LINGO2: variants seen among roughly 807,000 people sequenced by gnomAD.
The protein encoded by LINGO2 is leucine rich repeat and Ig domain containing 2.
LINGO2 carries 14 observed loss-of-function variants against 30.6 expected under a neutral mutation model. The observed-to-expected ratio is 0.46, with a 90% CI of 0.30 to 0.72. The LOEUF is 0.72. Ranked by LOEUF, LINGO2 falls within the 30% of genes least tolerant of loss-of-function variation. LINGO2 has a pLI of 0.07. For synonymous variants in LINGO2, 317 were observed against 288.5 expected, an observed-to-expected ratio of 1.10 and a Z score of -1.00; for missense variants, 729 against 751.7, an observed-to-expected ratio of 0.97 and a Z score of 0.35.
the LINGO2 span, among the ~76,000 whole-genome samples, chr9:29,121,543 G>A: frequency 4.6e-5 from 7 of 151,642 alleles, no homozygotes; most frequent in African/African-American, 1.7e-4. Flanking sequence ...TAAATTAGAA[G>A]ATAAAAACAG....
intron 4 of LINGO2, among the ~76,000 whole-genome samples, chr9:28,201,523 A>G (rs376898892): frequency 4.0e-5 from 6 of 150,354 alleles, no homozygotes; most frequent in African/African-American, 9.8e-5. Flanking sequence ...ATTGTGAATA[A>G]TGCTGCAATA....
At chr9:28,539,366 C>T (rs951781161) in intron 1 of LINGO2, among the ~76,000 whole-genome samples, 1 of 151,958 alleles carries the variant, frequency 6.6e-6, no homozygotes, top group Non-Finnish European at 1.5e-5. Flanking sequence ...TTAATAAGTA[C>T]TAAAAGAAAA....
the LINGO2 span, among the ~76,000 whole-genome samples, chr9:28,978,587 A>C: frequency 6.6e-6 from 1 of 152,256 alleles, no homozygotes; most frequent in South Asian, 2.1e-4. Flanking sequence ...GACACATATT[A>C]AGTCCTCAAT....
chr9:29,028,269 T>C, the LINGO2 span, among the ~76,000 whole-genome samples: 1 of 152,124 alleles, frequency 6.6e-6, no homozygotes, highest in Non-Finnish European at 1.5e-5. Context: ...ATTAGAGGAT[T>C]CTCATATAAA....
chr9:28,530,521 C>T (rs897048233), intron 1 of LINGO2, among the ~76,000 whole-genome samples: 1 of 152,088 alleles, frequency 6.6e-6, no homozygotes, highest in Admixed American at 6.6e-5. Context: ...ACAGGTTGAC[C>T]TAATTAACAG....
chr9:28,098,508 T>C (rs1349236450), intron 4 of LINGO2, among the ~76,000 whole-genome samples: 2 of 152,178 alleles, frequency 1.3e-5, no homozygotes, highest in African/African-American at 2.4e-5. Flanking sequence ...CATCAGATTA[T>C]ATACTTCTTA....
intron 4 of LINGO2, among the ~76,000 whole-genome samples, chr9:28,143,347 C>A (rs778507664): frequency 6.6e-5 from 10 of 152,092 alleles, no homozygotes; most frequent in Non-Finnish European, 1.3e-4. Flanking sequence ...GATTCCAATT[C>A]TAAGAGTCAT....
At position 28,045,764 on chromosome 9, in the gene LINGO2, G is replaced by A. The variant is rs115657963; in HGVS notation, c.-86-33359C>T. ...CACTATGGAAGATAAAGGTGGATGA[G>A]ACATGGCCCCAAAGCCAAATGAACT... On this transcript the variant is annotated intron_variant, in intron 4 of 5. Transcript: ENST00000379992. 2.4e-3 allele frequency among the ~76,000 whole-genome samples: 371 copies of A among 152,256 alleles called. 3 individuals carry two copies. Among genetic ancestry groups the A allele is most frequent in the African/African-American group, 8.6e-3 (358 of 41,550 alleles).
chr9:28,023,976 G>T (rs573961273), intron 4 of LINGO2, among the ~76,000 whole-genome samples: 1 of 152,062 alleles, frequency 6.6e-6, no homozygotes, highest in Non-Finnish European at 1.5e-5. Context: ...TCATTTTTGC[G>T]TCTCTGGATT....
At chr9:29,139,307 A>G in the LINGO2 span, among the ~76,000 whole-genome samples, 37,091 of 152,026 alleles carry the variant, frequency 0.24, 4,709 homozygotes, top group East Asian at 0.44. Context: ...TGACCCAGAT[A>G]TGGCATGCCC....
intron 1 of LINGO2, among the ~76,000 whole-genome samples, chr9:28,560,751 C>CCACCTCCCCAGCTCT (rs1823004167): frequency 6.6e-6 from 1 of 151,876 alleles, no homozygotes; most frequent in Admixed American, 6.6e-5. Context: ...ACTGCATCTT[C>CCACCTCCCCAGCTCT]CACCTCCCCA....
At chr9:28,247,094 CA>C (rs1564072613) in intron 4 of LINGO2, among the ~76,000 whole-genome samples, 1 of 152,008 alleles carries the variant, frequency 6.6e-6, no homozygotes, top group African/African-American at 2.4e-5. Context: ...TAAAAAATCA[CA>C]ACAATTAATG....
At chr9:28,020,458 G>A (rs1823056175) in intron 4 of LINGO2, among the ~76,000 whole-genome samples, 1 of 152,106 alleles carries the variant, frequency 6.6e-6, no homozygotes, top group South Asian at 2.1e-4. Flanking sequence ...TAACCTGGGT[G>A]GTGGAGGTTG....
At chr9:28,870,666 T>C in the LINGO2 span, among the ~76,000 whole-genome samples, 3 of 152,082 alleles carry the variant, frequency 2.0e-5, no homozygotes, top group African/African-American at 2.4e-5. Flanking sequence ...GCAGCTTATA[T>C]ACCGTACTTG....
chr9:28,229,830 T>C (rs1434286539), intron 4 of LINGO2, among the ~76,000 whole-genome samples: 1 of 151,824 alleles, frequency 6.6e-6, no homozygotes, highest in Non-Finnish European at 1.5e-5. Flanking sequence ...TAATAAATAA[T>C]TCACCTTTTA....
intron 4 of LINGO2, among the ~76,000 whole-genome samples, chr9:28,221,065 T>C (rs1166973918): frequency 6.6e-6 from 1 of 152,064 alleles, no homozygotes; most frequent in East Asian, 1.9e-4. Context: ...TTTGGGAGGC[T>C]GAGGCGGGTG....
chr9:28,802,275 C>A, the LINGO2 span, among the ~76,000 whole-genome samples: 1 of 151,770 alleles, frequency 6.6e-6, no homozygotes, highest in Non-Finnish European at 1.5e-5. Context: ...AGTTGGATTT[C>A]TATAATTTAA....
At chr9:28,124,672 T>C (rs1205502803) in intron 4 of LINGO2, among the ~76,000 whole-genome samples, 1 of 152,222 alleles carries the variant, frequency 6.6e-6, no homozygotes, top group Non-Finnish European at 1.5e-5. Context: ...AAATTCCCCA[T>C]TGGCTTCCTG....
the LINGO2 span, among the ~76,000 whole-genome samples, chr9:29,102,240 C>T: frequency 6.6e-6 from 1 of 152,050 alleles, no homozygotes; most frequent in Non-Finnish European, 1.5e-5. Flanking sequence ...CGTCACCATG[C>T]CCGGCTAATT....
Sources: gnomAD v4.1 joint callset for allele counts (sites outside exome capture counted in the v4.1 genomes callset) on GRCh38, gnomAD v4.1.1 for gene constraint, MANE v1.5 for transcripts, NCBI Gene and HGNC (gene_info 2026-07-23, HGNC 2026-07-21) for gene names.